The following EPB41L2 variants were observed in gnomAD, a reference collection of about 807,000 sequenced individuals.
The protein encoded by EPB41L2 is erythrocyte membrane protein band 4.1 like 2.
A neutral mutation model predicts 113.0 loss-of-function variants in EPB41L2; 43 were observed. That is an observed-to-expected ratio of 0.38 (90% CI 0.30 to 0.49). The LOEUF is 0.49. EPB41L2 is among the 20% of genes least tolerant of loss of function. EPB41L2 has a pLI of 0.95. For synonymous variants in EPB41L2, 442 were observed against 436.7 expected, an observed-to-expected ratio of 1.01 and a Z score of -0.15; for missense variants, 1,147 against 1,223.4, an observed-to-expected ratio of 0.94 and a Z score of 0.93.
Position 130,864,425 on chromosome 6 carries a change from G to A in EPB41L2, c.2830-707C>T, listed in dbSNP as rs74468499. On this transcript the variant is annotated intron_variant, in intron 17 of 19. Transcript: ENST00000337057. ...AAGTAGTCATACACGTAGACATGGC[G>A]CATGGCTAGACAAAGGCTGCGAGCG... Among the ~76,000 whole-genome samples, 36 of 152,262 alleles carry A rather than the reference G, an allele frequency of 2.4e-4. No individual in the cohort carries two copies. The East Asian group carries it at 6.4e-3, about 27-fold the overall frequency.
intron 14 of EPB41L2, among the ~76,000 whole-genome samples, chr6:130,870,821 T>TAA (rs554695255): frequency 0.048 from 6,803 of 140,894 alleles, 218 homozygotes; most frequent in East Asian, 0.13. Context: ...TGGTTTTCTT[T>TAA]AAAAAAAAAA....
intron 10 of EPB41L2, among the ~76,000 whole-genome samples, chr6:130,890,808 G>A (rs1226229148): frequency 2.6e-5 from 4 of 152,032 alleles, no homozygotes; most frequent in Non-Finnish European, 5.9e-5. Flanking sequence ...AGCTATAAGC[G>A]CCAAGTAACA....
chr6:130,937,367 T>G (rs1171672107), intron 3 of EPB41L2, among the ~76,000 whole-genome samples: 1 of 152,218 alleles, frequency 6.6e-6, no homozygotes, highest in African/African-American at 2.4e-5. Context: ...AGCATTCAAC[T>G]ATCTGCCTGC....
intron 1 of EPB41L2, among the ~76,000 whole-genome samples, chr6:131,029,975 A>G (rs944229857): frequency 4.0e-5 from 6 of 151,488 alleles, no homozygotes; most frequent in African/African-American, 1.5e-4. Flanking sequence ...TACAGTTTCA[A>G]TCACAGTTTC....
intron 1 of EPB41L2, among the ~76,000 whole-genome samples, chr6:131,044,019 CTTTT>C (rs35350923): frequency 9.7e-6 from 1 of 103,028 alleles, no homozygotes; most frequent in African/African-American, 4.1e-5. Flanking sequence ...CTAAATAATG[CTTTT>C]TTTTTTTTTT....
At chr6:130,866,177 C>T (rs893021081) in intron 16 of EPB41L2, among the ~76,000 whole-genome samples, 7 of 152,290 alleles carry the variant, frequency 4.6e-5, no homozygotes, top group African/African-American at 9.6e-5. Context: ...AGCATATATA[C>T]GGGCACATAT....
chr6:131,030,970 T>C (rs1303577165), intron 1 of EPB41L2, among the ~76,000 whole-genome samples: 2 of 150,532 alleles, frequency 1.3e-5, no homozygotes, highest in African/African-American at 4.9e-5. Context: ...CACGCACCAG[T>C]AGTCCCAGCT....
Position 130,869,910 on chromosome 6 carries a change from C to T in EPB41L2, c.2260G>A (p.Gly754Arg), listed in dbSNP as rs1562344984. The change falls in exon 15 of 20, where the codon GGA becomes AGA. Residue 754 changes from glycine (G) to arginine (R), a missense_variant. By Grantham distance (125) the Gly-to-Arg change is moderately radical. Coordinates refer to ENST00000337057, the MANE Select transcript of EPB41L2 (RefSeq NM_001431.4). ...ACTCGGTGGTGGGGACGGTACTCTC[C>T]CACGTCTTCCTCCTCACTCTCACTG... The part of the protein sequence containing the change: ...SSSESEEEDV[G>R]EYRPHHRVTE... 1.9e-6 allele frequency: 3 copies of T among 1,612,516 alleles called. No individual in the cohort carries two copies. The East Asian group carries it at 6.7e-5, about 36-fold the overall frequency.
chr6:131,000,593 G>A (rs143609584), intron 1 of EPB41L2: 1 of 152,230 alleles, frequency 6.6e-6, no homozygotes, highest in East Asian at 1.9e-4. Flanking sequence ...CCCCACAACG[G>A]AGCATCCCAA....
intron 1 of EPB41L2, among the ~76,000 whole-genome samples, chr6:130,967,791 A>C (rs1775688713): frequency 6.6e-6 from 1 of 152,166 alleles, no homozygotes; most frequent in African/African-American, 2.4e-5. Flanking sequence ...AAACAACTAC[A>C]TGTTCCTAGC....
intron 1 of EPB41L2, among the ~76,000 whole-genome samples, chr6:130,998,671 C>T (rs1783694487): frequency 6.6e-6 from 1 of 152,112 alleles, no homozygotes; most frequent in Non-Finnish European, 1.5e-5. Flanking sequence ...AAAACAACTT[C>T]AGCCATAGTT....
intron 3 of EPB41L2, among the ~76,000 whole-genome samples, chr6:130,947,017 A>ACCCCCCCCCCCCCCCCCCTCAAAAACC (rs58960778): frequency 8.9e-6 from 1 of 112,028 alleles, no homozygotes; most frequent in Non-Finnish European, 1.8e-5. Flanking sequence ...AATAAAGAAG[A>ACCCCCCCCCCCCCCCCCCTCAAAAACC]CCCCCCCCCC....
At chr6:130,910,911 T>C (rs1799182655) in intron 4 of EPB41L2, among the ~76,000 whole-genome samples, 1 of 152,186 alleles carries the variant, frequency 6.6e-6, no homozygotes, top group Admixed American at 6.5e-5. Context: ...ACAGGAACAC[T>C]TTTACACTGT....
intron 3 of EPB41L2, among the ~76,000 whole-genome samples, chr6:130,947,422 C>T (rs1361262194): frequency 6.6e-6 from 1 of 152,148 alleles, no homozygotes; most frequent in African/African-American, 2.4e-5. Context: ...TAACTACAGT[C>T]CTCTGAAGAG....
Position 130,901,169 on chromosome 6 carries a change from C to A in EPB41L2, c.941G>T (p.Cys314Phe), listed in dbSNP as rs769471926. 1 of 1,613,386 alleles carries A rather than the reference C, an allele frequency of 6.2e-7. No homozygotes were observed. Among genetic ancestry groups the A allele is most frequent in the South Asian group, 1.1e-5 (1 of 91,044 alleles). The change falls in exon 7 of 20, where the codon TGC becomes TTC. Residue 314 changes from cysteine to phenylalanine, a missense_variant. Physicochemically the swap from Cys to Phe is radical, Grantham distance 205 (BLOSUM62 -2). Transcript: ENST00000337057. Reference protein sequence around the residue: ...LTEDITRYFLCLQLRQDIASG... With the variant: ...LTEDITRYFLFLQLRQDIASG... ...GGCAATGTCCTGCCGGAGCTGAAGGCACAAGAAGTATCTGTGAGGAGCAGA... is the reference window on the plus strand; with the variant it reads ...GGCAATGTCCTGCCGGAGCTGAAGGAACAAGAAGTATCTGTGAGGAGCAGA...
intron 14 of EPB41L2, chr6:130,876,899 A>C: frequency 8.5e-6 from 3 of 353,938 alleles, no homozygotes; most frequent in Non-Finnish European, 1.5e-5. Context: ...GTGGCACATA[A>C]TGGAAGGTGA....
At chr6:131,049,020 G>A (rs917637011) in intron 1 of EPB41L2, among the ~76,000 whole-genome samples, 4 of 152,098 alleles carry the variant, frequency 2.6e-5, no homozygotes, top group South Asian at 2.1e-4. Context: ...ACCCTCTTTC[G>A]ATTTAAGCTT....
intron 1 of EPB41L2, among the ~76,000 whole-genome samples, chr6:131,002,819 G>A (rs12204522): frequency 0.019 from 2,940 of 152,276 alleles, 42 homozygotes; most frequent in South Asian, 0.042. Context: ...AAACAGCTGT[G>A]TTTGGGTGGT....
chr6:130,968,257 A>G (rs1439566878), intron 1 of EPB41L2, among the ~76,000 whole-genome samples: 1 of 152,186 alleles, frequency 6.6e-6, no homozygotes, highest in Non-Finnish European at 1.5e-5. Flanking sequence ...CTGCATTTTA[A>G]TAGGTCATAA....
Sources: allele counts gnomAD v4.1 joint callset (sites outside exome capture counted in the v4.1 genomes callset), GRCh38; gene constraint gnomAD v4.1.1; transcripts MANE v1.5; gene names NCBI Gene and HGNC (gene_info 2026-07-23, HGNC 2026-07-21).